DEPDC5: variants seen among roughly 807,000 people sequenced by gnomAD.
The protein encoded by DEPDC5 is DEP domain containing 5, GATOR1 subcomplex subunit, also known as GATOR1 complex protein DEPDC5.
DEPDC5 carries 73 observed loss-of-function variants against 217.3 expected under a neutral mutation model. That is an observed-to-expected ratio of 0.34 (90% confidence interval 0.28 to 0.41). The LOEUF is 0.41. Ranked by LOEUF, DEPDC5 falls within the 10% of genes least tolerant of loss-of-function variation. DEPDC5 has a pLI of 1.00. For missense variants in DEPDC5, 1,675 were observed against 2,070.1 expected (o/e 0.81, Z 3.70); for synonymous variants, 733 against 756.7 (o/e 0.97, Z 0.51).
chr22:31,821,608 G>A lies in DEPDC5; in HGVS notation c.1977G>A (p.Leu659=), dbSNP rs750249893. The A allele has an allele frequency of 2.5e-6, 4 of 1,613,932 alleles. No homozygotes were observed. The African/African-American group carries it at 5.3e-5, about 22-fold the overall frequency. Residue 659 remains leucine, a synonymous_variant, in exon 23 of 43, where the codon CTG becomes CTA. Coordinates refer to ENST00000651528, the MANE Select transcript of DEPDC5 (RefSeq NM_001242896.3). The part of the protein sequence containing the change: ...RDPTHSSAEL[L]ELAYHEAAGR... ...CAACTCACTCCTCTGCAGAGCTGCTGGAGTTAGCATATCATGAAGCTGCTG... is the reference window on the plus strand; with the variant it reads ...CAACTCACTCCTCTGCAGAGCTGCTAGAGTTAGCATATCATGAAGCTGCTG...
At chr22:31,806,682 T>G (rs550293675) in intron 18 of DEPDC5, among the ~76,000 whole-genome samples, 1 of 152,162 alleles carries the variant, frequency 6.6e-6, no homozygotes, top group Non-Finnish European at 1.5e-5. Context: ...AGGGGAAATA[T>G]GATAAAAAGG....
chr22:31,804,725 C>G (rs2087300227), intron 16 of DEPDC5, 117 bp from the exon 17 acceptor site: 2 of 969,702 alleles, frequency 2.1e-6, no homozygotes, highest in African/African-American at 3.3e-5. Context: ...CAGGCATGAC[C>G]CACAGCGCCC....
intron 7 of DEPDC5, among the ~76,000 whole-genome samples, chr22:31,770,861 G>T (rs1173221695): frequency 7.0e-6 from 1 of 142,034 alleles, no homozygotes; most frequent in Non-Finnish European, 1.5e-5. Context: ...GTGTGATCTT[G>T]TCTCACTGCA....
Position 31,906,118 on chromosome 22 carries a change from C to T in DEPDC5, c.4519+52C>T. On this transcript the variant is annotated intron_variant, in intron 42 of 42. Transcript: ENST00000651528. This position sits in a 1 kb window ranked among gnomAD's most constrained non-coding sequence, Gnocchi z 5.1. ...AGGTGGGTCCACATCCCTTTCCTTGCACCAAGCCTATGGCTGCAGAACCAC... is the reference window on the plus strand; with the variant it reads ...AGGTGGGTCCACATCCCTTTCCTTGTACCAAGCCTATGGCTGCAGAACCAC... 2 of 1,613,498 alleles carry T rather than the reference C, an allele frequency of 1.2e-6. No homozygotes were observed. The highest frequency in any genetic ancestry group is 1.7e-6 in the Non-Finnish European group (2 of 1,179,644).
chr22:31,895,417 A>G (rs2093532444), intron 39 of DEPDC5, among the ~76,000 whole-genome samples: 2 of 152,134 alleles, frequency 1.3e-5, no homozygotes, highest in Admixed American at 1.3e-4. Flanking sequence ...AAGAAGCCAT[A>G]CCTGACCATC....
At chr22:31,880,477 G>A (rs1430223145) in intron 38 of DEPDC5, among the ~76,000 whole-genome samples, 2 of 152,206 alleles carry the variant, frequency 1.3e-5, no homozygotes, top group Non-Finnish European at 2.9e-5. Flanking sequence ...CCTCTGAAAG[G>A]AAGAAAGCAA....
chr22:31,870,813 G>T, intron 34 of DEPDC5, 69 bp downstream of exon 34: 1 of 1,421,472 alleles, frequency 7.0e-7, no homozygotes, highest in Non-Finnish European at 9.3e-7. Flanking sequence ...AGGCTGCAGA[G>T]GCTGAAGTCC....
At chr22:31,841,730 A>G (rs918847958) in intron 27 of DEPDC5, among the ~76,000 whole-genome samples, 2 of 152,214 alleles carry the variant, frequency 1.3e-5, no homozygotes, top group Non-Finnish European at 2.9e-5. Flanking sequence ...TCAGTTTTCC[A>G]TCTGCCTCAC....
At chr22:31,878,355 A>G (rs1214166909) in intron 37 of DEPDC5, among the ~76,000 whole-genome samples, 1 of 152,108 alleles carries the variant, frequency 6.6e-6, no homozygotes, top group Non-Finnish European at 1.5e-5. Flanking sequence ...TCTTACCTTC[A>G]AGTTGAAAAC....
chr22:31,861,004 G>A (rs1382175062), intron 32 of DEPDC5, among the ~76,000 whole-genome samples: 1 of 152,088 alleles, frequency 6.6e-6, no homozygotes, highest in Non-Finnish European at 1.5e-5. Flanking sequence ...CTATGTGGGA[G>A]GGTGAGAGCA....
chr22:31,780,011 T>C (rs1048714712), intron 8 of DEPDC5, among the ~76,000 whole-genome samples: 1 of 152,254 alleles, frequency 6.6e-6, no homozygotes, highest in African/African-American at 2.4e-5. Context: ...TGGGAAGTTT[T>C]GTCTTTCAGT....
chr22:31,785,269 C>G (rs1323146824), intron 10 of DEPDC5, among the ~76,000 whole-genome samples: 1 of 149,846 alleles, frequency 6.7e-6, no homozygotes, highest in African/African-American at 2.5e-5. Flanking sequence ...AGAAAATCCT[C>G]AAACTCCACA....
At chr22:31,758,129 CTGTT>C (rs1323130188) in intron 2 of DEPDC5, among the ~76,000 whole-genome samples, 1 of 152,178 alleles carries the variant, frequency 6.6e-6, no homozygotes, top group African/African-American at 2.4e-5. Context: ...CATTAAGACA[CTGTT>C]TGGGAAATTC....
intron 35 of DEPDC5, 38 bp downstream of exon 35, chr22:31,873,370 C>A: frequency 6.3e-7 from 1 of 1,599,196 alleles, no homozygotes; most frequent in Non-Finnish European, 8.6e-7. Flanking sequence ...GGAAGGTTCC[C>A]AGAAGCCTGT....
At chr22:31,859,274 G>A (rs954753830) in intron 32 of DEPDC5, among the ~76,000 whole-genome samples, 3 of 149,476 alleles carry the variant, frequency 2.0e-5, no homozygotes, top group African/African-American at 7.4e-5. Flanking sequence ...GTATTTTTTA[G>A]TAGAAACAAG....
chr22:31,901,857 T>C (rs954881412), intron 41 of DEPDC5, 55 bp downstream of exon 41: 4 of 1,546,630 alleles, frequency 2.6e-6, no homozygotes, highest in Non-Finnish European at 3.6e-6. Context: ...TTATCTTGAA[T>C]AGCAGTTACC....
chr22:31,895,960 A>G (rs2149390157), intron 39 of DEPDC5, among the ~76,000 whole-genome samples: 1 of 151,728 alleles, frequency 6.6e-6, no homozygotes, highest in Admixed American at 6.6e-5. Flanking sequence ...TTCAGGTAAA[A>G]CTAACTCTCT....
chr22:31,756,064 TAGTAGAGAGGG>T (rs2081911127), intron 2 of DEPDC5, among the ~76,000 whole-genome samples: 1 of 150,618 alleles, frequency 6.6e-6, no homozygotes. Context: ...TTTTGTATTT[TAGTAGAGAGGG>T]TTTCACCATG....
Position 31,822,738 on chromosome 22 carries a change from C to T in DEPDC5, c.2052C>T (p.Asn684=), listed in dbSNP as rs537853596. 2 of 1,614,172 alleles carry T rather than the reference C, an allele frequency of 1.2e-6. No homozygotes were observed. The change falls in exon 24 of 43, where the codon AAC becomes AAT. Residue 684 remains asparagine, a synonymous_variant. Coordinates refer to ENST00000651528, the MANE Select transcript of DEPDC5 (RefSeq NM_001242896.3). The part of the protein sequence containing the change: ...RQPGDGMSFL[N]FSGTEELSVG... ...CTGGTGACGGCATGTCCTTCTTGAA[C>T]TTCAGTGGAACAGAGGAGCTTTCTG...
Sources: gnomAD v4.1 joint callset for allele counts (sites outside exome capture counted in the v4.1 genomes callset) on GRCh38, gnomAD v4.1.1 for gene constraint, Gnocchi (gnomAD v3.1) non-coding constraint, MANE v1.5 for transcripts, NCBI Gene and HGNC (gene_info 2026-07-23, HGNC 2026-07-21) for gene names.